EML6: variants seen among roughly 807,000 people sequenced by gnomAD.
The protein encoded by EML6 is EMAP like 6.
EML6 carries 154 observed loss-of-function variants against 240.1 expected under a neutral mutation model. The observed-to-expected ratio is 0.64, with a 90% CI of 0.56 to 0.73. The LOEUF is 0.73. Ranked by LOEUF, EML6 falls within the 30% of genes least tolerant of loss-of-function variation. EML6 has a pLI of 0.00. For synonymous variants in EML6, 1,148 were observed against 899.0 expected (o/e 1.28, Z -4.95); for missense variants, 2,964 against 2,474.6 (o/e 1.20, Z -4.20).
At chr2:54,731,201 A>C (rs941671170) in intron 2 of EML6, among the ~76,000 whole-genome samples, 1 of 152,184 alleles carries the variant, frequency 6.6e-6, no homozygotes, top group Admixed American at 6.5e-5. Flanking sequence ...TAGCCAGAGA[A>C]AGACCAAGGT....
chr2:54,747,086 C>T (rs1342252903), intron 2 of EML6: 1 of 152,164 alleles, frequency 6.6e-6, no homozygotes, highest in Non-Finnish European at 1.5e-5. Flanking sequence ...CTTGTGTTCA[C>T]AGGAATCTTA....
In EML6 at chr2:54,724,174, T is replaced by C. The variant is rs1360951484; in HGVS notation, c.-513-375T>C. Among the ~76,000 whole-genome samples the C allele has an allele frequency of 6.6e-6, 1 of 152,122 alleles. No individual in the cohort carries two copies. Among genetic ancestry groups the C allele is most frequent in the African/African-American group, 2.4e-5 (1 of 41,420 alleles). On this transcript the variant is annotated intron_variant, in intron 1 of 41. Transcript: ENST00000356458. This position sits in a 1 kb window ranked among gnomAD's most constrained non-coding sequence, Gnocchi z 5.2. ...GTAAGACAATCTTTCATGATGCGGA[T>C]TGGAGTTGCTGATCAATGAGAGCTG...
intron 28 of EML6, among the ~76,000 whole-genome samples, chr2:54,946,909 T>C (rs945171177): frequency 2.0e-5 from 3 of 152,186 alleles, no homozygotes; most frequent in Non-Finnish European, 4.4e-5. Flanking sequence ...TTTCGGTTTT[T>C]TTCTGAAAAT....
At chr2:54,828,961 T>A (rs540914900) in intron 6 of EML6, among the ~76,000 whole-genome samples, 2 of 152,356 alleles carry the variant, frequency 1.3e-5, no homozygotes, top group East Asian at 3.9e-4. Flanking sequence ...CTCTTATCTC[T>A]ACTTAATTAT....
At chr2:54,899,259 A>C (rs1672932559) in intron 21 of EML6, among the ~76,000 whole-genome samples, 1 of 152,202 alleles carries the variant, frequency 6.6e-6, no homozygotes, top group African/African-American at 2.4e-5. Context: ...TGTCCTTGTG[A>C]TTAAGCTGCT....
chr2:54,969,963 TA>T lies in EML6; in HGVS notation c.5853-107del, dbSNP rs1676918244. ...TACCTTTTGAAGTCAAAATGTTCAA[TA>T]CATCACCCGAGCTTGACTTTTGAGC... On this transcript the variant is annotated intron_variant, in intron 41 of 41. Transcript: ENST00000356458. 8 of 1,145,202 alleles carry T rather than the reference TA, an allele frequency of 7.0e-6. No individual in the cohort carries two copies. The South Asian group carries it at 1.1e-4, about 15-fold the overall frequency. 70.9% of individuals were successfully genotyped at this position (1,145,202 alleles called of 1,614,324 possible).
intron 2 of EML6, among the ~76,000 whole-genome samples, chr2:54,734,417 G>C (rs2104385326): frequency 6.6e-6 from 1 of 152,374 alleles, no homozygotes. Context: ...TCTCCAGACA[G>C]TGCTAGGCAA....
intron 39 of EML6, chr2:54,967,335 C>G (rs1439101144): frequency 6.5e-6 from 2 of 305,784 alleles, no homozygotes; most frequent in Non-Finnish European, 1.2e-5. Context: ...ATTTCTTCTA[C>G]AAGTCTCCAA....
chr2:54,936,425 G>T (rs1403203530), intron 28 of EML6, among the ~76,000 whole-genome samples: 1 of 152,134 alleles, frequency 6.6e-6, no homozygotes, highest in Non-Finnish European at 1.5e-5. Flanking sequence ...CACTTAACCG[G>T]CCACATAGGG....
intron 2 of EML6, among the ~76,000 whole-genome samples, chr2:54,806,299 A>G (rs1572928113): frequency 6.6e-6 from 1 of 152,082 alleles, no homozygotes; most frequent in Non-Finnish European, 1.5e-5. Flanking sequence ...CTCTATGTAC[A>G]TGAGTTGCTC....
At chr2:54,908,429 G>A (rs1673464693) in intron 24 of EML6, among the ~76,000 whole-genome samples, 3 of 152,006 alleles carry the variant, frequency 2.0e-5, no homozygotes, top group African/African-American at 4.8e-5. Context: ...TGCCCAGGCT[G>A]GAAACCAGCT....
At chr2:54,754,134 C>G (rs1684299501) in intron 2 of EML6, among the ~76,000 whole-genome samples, 1 of 144,014 alleles carries the variant, frequency 6.9e-6, no homozygotes, top group Non-Finnish European at 1.5e-5. Context: ...GACTCCGTCT[C>G]AAAAAAAAAA....
intron 28 of EML6, 22 bp downstream of exon 28, chr2:54,928,773 T>C: frequency 1.3e-6 from 2 of 1,551,624 alleles, no homozygotes; most frequent in Non-Finnish European, 8.7e-7. Context: ...CCAGGTTTGC[T>C]TGCTTTTATT....
In EML6 at chr2:54,954,132, A is replaced by T; in HGVS notation, c.4462A>T (p.Ile1488Phe). Residue 1488 changes from isoleucine (I) to phenylalanine (F), a missense_variant, in exon 32 of 42, where the codon ATC becomes TTC. Coordinates refer to ENST00000356458, the MANE Select transcript of EML6 (RefSeq NM_001039753.4). ...VSVGVDPEHT[I>F]TVWRWQEGAK... ...GGTGGGAGTGGACCCTGAGCACACC[A>T]TCACTGTCTGGCGATGGCAGGAAGG... 1 of 1,551,054 alleles carries T rather than the reference A, an allele frequency of 6.4e-7. No individual in the cohort carries two copies. The highest frequency in any genetic ancestry group is 8.7e-7 in the Non-Finnish European group (1 of 1,146,738).
At chr2:54,903,636 T>A in intron 24 of EML6, 134 bp downstream of exon 24, 1 of 756,660 alleles carries the variant, frequency 1.3e-6, no homozygotes, top group Non-Finnish European at 2.0e-6. Context: ...TAAACGACTG[T>A]AATTTTACAA....
Position 54,910,940 on chromosome 2 carries a change from T to G in EML6, c.3410-14T>G. 6.9e-7 allele frequency: 1 copy of G among 1,456,308 alleles called. No homozygotes were observed. Among genetic ancestry groups the G allele is most frequent in the Non-Finnish European group, 9.4e-7 (1 of 1,064,838 alleles). The allele number at this position is 1,456,308 out of a possible 1,614,324, so 90.2% of individuals were successfully genotyped here. A position where few individuals can be genotyped will look rare whatever the true frequency, so the allele number is the denominator to read the frequency against. ...AGATTTTAATTATCTCTCTACTTCG[T>G]TCTGTCGTAACAGGAAAATTATTGC... On this transcript the variant is annotated splice_polypyrimidine_tract_variant and intron_variant, in intron 24 of 41. Transcript: ENST00000356458.
chr2:54,829,594 G>C (rs1420335727), intron 7 of EML6, 117 bp downstream of exon 7: 3 of 705,990 alleles, frequency 4.2e-6, no homozygotes, highest in Non-Finnish European at 6.5e-6. Flanking sequence ...TAAATATATT[G>C]AATACAAGCA....
chr2:54,892,152 T>G (rs1672504708), intron 18 of EML6, among the ~76,000 whole-genome samples: 1 of 152,192 alleles, frequency 6.6e-6, no homozygotes, highest in Non-Finnish European at 1.5e-5. Flanking sequence ...CTGAGATGCA[T>G]ATTGATTGCT....
In EML6 at chr2:54,955,756, G is replaced by A. The variant is rs566883251; in HGVS notation, c.4486+1600G>A. 4.6e-5 allele frequency among the ~76,000 whole-genome samples: 7 copies of A among 152,290 alleles called. No individual in the cohort carries two copies. The South Asian group carries it at 6.2e-4, about 14-fold the overall frequency. Reference sequence around the variant, plus strand: ...AGCCAGGGCTTTTAAACAAGCTCCCGAGGAAAAGAGGAGCCTGCTCTTGTT... The same window carrying A: ...AGCCAGGGCTTTTAAACAAGCTCCCAAGGAAAAGAGGAGCCTGCTCTTGTT... On this transcript the variant is annotated intron_variant, in intron 32 of 41. Coordinates refer to ENST00000356458, the MANE Select transcript of EML6 (RefSeq NM_001039753.4).
Sources: allele counts gnomAD v4.1 joint callset (sites outside exome capture counted in the v4.1 genomes callset), GRCh38; gene constraint gnomAD v4.1.1; non-coding constraint Gnocchi (gnomAD v3.1); transcripts MANE v1.5; gene names NCBI Gene and HGNC (gene_info 2026-07-23, HGNC 2026-07-21).